Variants in PIGX observed in about 807,000 individuals in gnomAD.
PIGX encodes the protein GPI alpha-1,4-mannosyltransferase I, stabilizing subunit.
Under a neutral mutation model 28.7 loss-of-function variants are expected in PIGX, and 24 were observed. That is an observed-to-expected ratio of 0.84 (90% CI 0.60 to 1.17). PIGX has a LOEUF of 1.17. Among genes scored for constraint, PIGX ranks in the 50% most tolerant of loss-of-function variants. The pLI is 0.00. For missense variants in PIGX, 305 were observed against 317.8 expected (o/e 0.96, Z 0.31); for synonymous variants, 127 against 121.0 (o/e 1.05, Z -0.33).
chr3:196,732,645 C>T (rs1712860131), intron 5 of PIGX, among the ~76,000 whole-genome samples: 1 of 152,014 alleles, frequency 6.6e-6, no homozygotes, highest in Non-Finnish European at 1.5e-5. Context: ...AGGTGGTATT[C>T]CATCCCAAGG....
At chr3:196,714,476 T>A (rs1712002570) in intron 1 of PIGX, among the ~76,000 whole-genome samples, 3 of 148,522 alleles carry the variant, frequency 2.0e-5, no homozygotes, top group East Asian at 1.9e-4. Context: ...TTTTTTTTTT[T>A]TTTTTTGAGA....
At chr3:196,721,129 C>G in intron 2 of PIGX, 1 of 329,810 alleles carries the variant, frequency 3.0e-6, no homozygotes, top group Non-Finnish European at 5.8e-6. Flanking sequence ...AAGTGTTCAG[C>G]CATTATATCT....
chr3:196,713,320 G>C (rs201658237), intron 1 of PIGX, among the ~76,000 whole-genome samples: 1 of 114,220 alleles, frequency 8.8e-6, no homozygotes, highest in East Asian at 2.6e-4. Flanking sequence ...TTTTTTTTTT[G>C]AGATGGAGTC....
chr3:196,714,189 C>T (rs993817636), intron 1 of PIGX, among the ~76,000 whole-genome samples: 1 of 152,188 alleles, frequency 6.6e-6, no homozygotes, highest in Non-Finnish European at 1.5e-5. Flanking sequence ...TTGTGCTGGG[C>T]ACAGTGGCTC....
chr3:196,732,246 A>ATTTTT (rs1350397933), intron 5 of PIGX, among the ~76,000 whole-genome samples: 1 of 25,238 alleles, frequency 4.0e-5, no homozygotes, highest in African/African-American at 2.1e-4. Context: ...ATATATATAT[A>ATTTTT]TATATATATA....
chr3:196,729,348 TAAAA>T (rs1165455673), intron 4 of PIGX, among the ~76,000 whole-genome samples: 1 of 150,852 alleles, frequency 6.6e-6, no homozygotes, highest in Admixed American at 6.6e-5. Context: ...AAAAATAAAA[TAAAA>T]AAAATAAAAA....
At chr3:196,712,983 GCCTTAGCGC>G in intron 1 of PIGX, 1 of 996,612 alleles carries the variant, frequency 1.0e-6, no homozygotes, top group Non-Finnish European at 1.2e-6. Context: ...GCCAGGCAAG[GCCTTAGCGC>G]CCTGTGAGGC....
intron 2 of PIGX, among the ~76,000 whole-genome samples, chr3:196,720,513 A>G (rs911354621): frequency 6.6e-6 from 1 of 152,176 alleles, no homozygotes; most frequent in African/African-American, 2.4e-5. Context: ...AACAGGATTT[A>G]CGGTTGTCTC....
Position 196,735,715 on chromosome 3 carries a change from T to A in PIGX, c.*1813T>A, listed in dbSNP as rs1241160149. 6.6e-6 allele frequency: 1 copy of A among 152,242 alleles called. No individual in the cohort carries two copies. The highest frequency in any genetic ancestry group is 1.9e-4 in the East Asian group (1 of 5,208). 9.4% of individuals were successfully genotyped at this position (152,242 alleles called of 1,614,324 possible). Reference sequence around the variant, plus strand: ...TTCTTTCACTATGGGATTAATAATATGACACTGAAATGGAATTATATATGT... The same window carrying A: ...TTCTTTCACTATGGGATTAATAATAAGACACTGAAATGGAATTATATATGT... On this transcript the variant is annotated 3_prime_UTR_variant, in exon 6 of 6. Transcript: ENST00000392391.
intron 1 of PIGX, among the ~76,000 whole-genome samples, chr3:196,715,868 C>G (rs905203501): frequency 2.6e-5 from 4 of 152,110 alleles, no homozygotes; most frequent in African/African-American, 9.7e-5. Context: ...CTATGTTGTC[C>G]AGGCTTGTGT....
At chr3:196,726,937 T>C (rs1361639620) in intron 3 of PIGX, among the ~76,000 whole-genome samples, 1 of 152,190 alleles carries the variant, frequency 6.6e-6, no homozygotes, top group Non-Finnish European at 1.5e-5. Flanking sequence ...ATTTTATTAC[T>C]TCCAAAGTCC....
At position 196,712,424 on chromosome 3, in the gene PIGX, A is replaced by C; in HGVS notation, c.-109A>C. ...GCGCGCGCACCCAGCACTCGGTCCC[A>C]GCCGATAAATCTGGGGCAGCGCGCG... On this transcript the variant is annotated 5_prime_UTR_variant, in exon 1 of 6. Coordinates refer to ENST00000392391, the MANE Select transcript of PIGX (RefSeq NM_017861.4). 2.3e-6 allele frequency: 1 copy of C among 435,610 alleles called. No individual in the cohort carries two copies. The highest frequency in any genetic ancestry group is 3.3e-6 in the Non-Finnish European group (1 of 299,678). The allele number at this position is 435,610 out of a possible 1,614,324, so 27.0% of individuals were successfully genotyped here. A position where few individuals can be genotyped will look rare whatever the true frequency, so the allele number is the denominator to read the frequency against.
intron 4 of PIGX, chr3:196,728,405 C>T (rs1712612129): frequency 1.7e-6 from 1 of 585,680 alleles, no homozygotes; most frequent in Non-Finnish European, 3.0e-6. Context: ...TCATCTCCTT[C>T]CCTCTAAGAC....
intron 2 of PIGX, among the ~76,000 whole-genome samples, chr3:196,720,861 A>G (rs1712294627): frequency 6.6e-6 from 1 of 151,746 alleles, no homozygotes; most frequent in East Asian, 1.9e-4. Context: ...TTTTGCCTTT[A>G]TTTTTGAAGG....
rs1712944884 is a variant in PIGX, at chr3:196,734,868, T to G, written c.*966T>G. 1 of 152,178 alleles carries G rather than the reference T, an allele frequency of 6.6e-6. No homozygotes were observed. The highest frequency in any genetic ancestry group is 1.5e-5 in the Non-Finnish European group (1 of 68,034). The allele number at this position is 152,178 out of a possible 1,614,324, so 9.4% of individuals were successfully genotyped here. A position where few individuals can be genotyped will look rare whatever the true frequency, so the allele number is the denominator to read the frequency against. On this transcript the variant is annotated 3_prime_UTR_variant, in exon 6 of 6. Coordinates refer to ENST00000392391, the MANE Select transcript of PIGX (RefSeq NM_017861.4). ...AGTATGTCAGGAAGACAACTCAGAT[T>G]GCCATTTTAAATAAAGTTGTACATG...
chr3:196,720,029 C>T (rs989458600), intron 2 of PIGX, among the ~76,000 whole-genome samples: 3 of 152,366 alleles, frequency 2.0e-5, no homozygotes, highest in African/African-American at 4.8e-5. Context: ...CCGCCTGCTT[C>T]GGCCTCCCGA....
At chr3:196,732,262 T>TATA in intron 5 of PIGX, among the ~76,000 whole-genome samples, 1 of 51,270 alleles carries the variant, frequency 2.0e-5, no homozygotes, top group Non-Finnish European at 3.7e-5. Context: ...ATATATTTTA[T>TATA]TTTATTTTAT....
chr3:196,728,841 T>A (rs1712628351), intron 4 of PIGX: 2 of 745,792 alleles, frequency 2.7e-6, no homozygotes, highest in Non-Finnish European at 4.9e-6. Flanking sequence ...TGGTCCACAT[T>A]ACCCCTCTGT....
intron 2 of PIGX, among the ~76,000 whole-genome samples, chr3:196,720,112 G>T (rs1240377582): frequency 6.6e-6 from 1 of 152,170 alleles, no homozygotes; most frequent in African/African-American, 2.4e-5. Context: ...CAATTCAGTG[G>T]CATCAAGTAC....
Sources: gnomAD v4.1 joint callset for allele counts (sites outside exome capture counted in the v4.1 genomes callset) on GRCh38, gnomAD v4.1.1 for gene constraint, MANE v1.5 for transcripts, NCBI Gene and HGNC (gene_info 2026-07-23, HGNC 2026-07-21) for gene names.